ARHGAP24: variants seen among roughly 807,000 people sequenced by gnomAD.
The protein encoded by ARHGAP24 is Rho GTPase activating protein 24.
ARHGAP24 carries 50 observed loss-of-function variants against 76.4 expected under a neutral mutation model. The ratio of observed to expected loss-of-function variants is 0.65; its 90% CI spans 0.52 to 0.83. ARHGAP24 has a LOEUF of 0.83. Ranked by LOEUF, ARHGAP24 falls within the 40% of genes least tolerant of loss-of-function variation. The pLI is 0.00. For missense variants in ARHGAP24, 930 were observed against 914.2 expected, an observed-to-expected ratio of 1.02 and a Z score of -0.22; for synonymous variants, 345 against 323.3, an observed-to-expected ratio of 1.07 and a Z score of -0.72.
At chr4:85,939,155 G>A (rs968080565) in intron 4 of ARHGAP24, among the ~76,000 whole-genome samples, 1 of 152,158 alleles carries the variant, frequency 6.6e-6, no homozygotes, top group Non-Finnish European at 1.5e-5. Context: ...GATGTTATGA[G>A]TTTTAAATGT....
intron 5 of ARHGAP24, among the ~76,000 whole-genome samples, chr4:85,969,892 A>G (rs1358932105): frequency 1.3e-5 from 2 of 152,212 alleles, no homozygotes; most frequent in African/African-American, 4.8e-5. Flanking sequence ...TATTTTCTTT[A>G]CAAGGTTTTA....
At chr4:85,599,738 C>T (rs1235817440) in intron 2 of ARHGAP24, among the ~76,000 whole-genome samples, 1 of 152,068 alleles carries the variant, frequency 6.6e-6, no homozygotes, top group African/African-American at 2.4e-5. Context: ...GAAAGTGACT[C>T]TACTATTTGT....
intron 1 of ARHGAP24, among the ~76,000 whole-genome samples, chr4:85,489,026 T>C (rs2110092563): frequency 6.6e-6 from 1 of 152,356 alleles, no homozygotes; most frequent in Admixed American, 6.5e-5. Context: ...ATATTAATTA[T>C]GTTTGAACCC....
intron 5 of ARHGAP24, among the ~76,000 whole-genome samples, chr4:85,952,780 TGAAA>T (rs1054854170): frequency 2.0e-5 from 3 of 152,342 alleles, no homozygotes; most frequent in Admixed American, 6.5e-5. Flanking sequence ...CTCATTGACC[TGAAA>T]GAATTTGTAT....
chr4:85,987,355 C>T (rs1352702863), intron 8 of ARHGAP24, among the ~76,000 whole-genome samples: 1 of 152,030 alleles, frequency 6.6e-6, no homozygotes, highest in East Asian at 1.9e-4. Context: ...AAGTCCAACA[C>T]ATCTAGAATA....
In ARHGAP24 at chr4:85,923,760, T is replaced by G; in HGVS notation, c.381T>G (p.Pro127=). The change falls in exon 4 of 10, where the codon CCT becomes CCG. Residue 127 remains proline, a synonymous_variant. Coordinates refer to ENST00000395184, the MANE Select transcript of ARHGAP24 (RefSeq NM_001025616.3). Reference sequence around the variant, plus strand: ...CAATCCGCCGAGTCATATGGGGACCTTTCGGAGGAGGTGAGTGTACTTTAA... The same window carrying G: ...CAATCCGCCGAGTCATATGGGGACCGTTCGGAGGAGGTGAGTGTACTTTAA... ...VKSIRRVIWG[P]FGGGIFGQKL... is the part of the protein sequence containing the mutation. The G allele has an allele frequency of 6.2e-7, 1 of 1,614,008 alleles. No homozygotes were observed. The highest frequency in any genetic ancestry group is 8.5e-7 in the Non-Finnish European group (1 of 1,179,934).
At chr4:85,631,015 A>G (rs187190766) in intron 2 of ARHGAP24, among the ~76,000 whole-genome samples, 42 of 152,040 alleles carry the variant, frequency 2.8e-4, no homozygotes, top group Non-Finnish European at 4.7e-4. Flanking sequence ...GCATGTGTAT[A>G]CACACACACA....
In ARHGAP24 at chr4:85,885,238, A is replaced by T. The variant is rs1209110651; in HGVS notation, c.269-38410A>T. Among the ~76,000 whole-genome samples, 5 of 152,182 alleles carry T rather than the reference A, an allele frequency of 3.3e-5. No homozygotes were observed. The East Asian group carries it at 9.6e-4, about 29-fold the overall frequency. On this transcript the variant is annotated intron_variant, in intron 3 of 9. Coordinates refer to ENST00000395184, the MANE Select transcript of ARHGAP24 (RefSeq NM_001025616.3). ...ATGTGGTCTTGATTATAGTATTTTG[A>T]GTGCTATATAACTCCCCTAGCCTTT...
At chr4:85,993,055 GA>G (rs891755854) in intron 8 of ARHGAP24, among the ~76,000 whole-genome samples, 5 of 147,758 alleles carry the variant, frequency 3.4e-5, no homozygotes, top group African/African-American at 9.9e-5. Context: ...TTTCTCATCT[GA>G]AAAAAAAAAT....
intron 3 of ARHGAP24, among the ~76,000 whole-genome samples, chr4:85,738,767 T>C (rs1245092810): frequency 6.6e-6 from 1 of 152,244 alleles, no homozygotes; most frequent in Non-Finnish European, 1.5e-5. Flanking sequence ...ATTTTTTGCA[T>C]GTGGATTGTC....
intron 2 of ARHGAP24, among the ~76,000 whole-genome samples, chr4:85,572,874 CTTTTTTT>C (rs775780758): frequency 9.3e-4 from 115 of 124,280 alleles, no homozygotes; most frequent in African/African-American, 3.3e-3. Context: ...TTTTTTCTTT[CTTTTTTT>C]TTTTTTTTTT....
At chr4:85,645,226 A>G (rs1471411541) in intron 2 of ARHGAP24, among the ~76,000 whole-genome samples, 1 of 152,182 alleles carries the variant, frequency 6.6e-6, no homozygotes, top group Non-Finnish European at 1.5e-5. Context: ...CAAAATTTCC[A>G]TATAACAAAG....
chr4:85,790,735 A>C (rs1728080556), intron 3 of ARHGAP24, among the ~76,000 whole-genome samples: 1 of 152,210 alleles, frequency 6.6e-6, no homozygotes, highest in East Asian at 1.9e-4. Context: ...GAGTGGGCTC[A>C]AGTTTGATGT....
chr4:85,546,798 C>A (rs567009253), intron 1 of ARHGAP24, among the ~76,000 whole-genome samples: 1 of 152,306 alleles, frequency 6.6e-6, no homozygotes, highest in Non-Finnish European at 1.5e-5. Context: ...TTATTATTTT[C>A]ACATACTTTT....
intron 2 of ARHGAP24, among the ~76,000 whole-genome samples, chr4:85,675,831 T>C (rs11097066): frequency 0.29 from 44,103 of 152,080 alleles, 7,895 homozygotes; most frequent in East Asian, 0.84. Context: ...TCCTATCCAC[T>C]CAAAGTCATC....
chr4:85,995,133 G>T lies in ARHGAP24; in HGVS notation c.1479G>T (p.Gly493=). The T allele has an allele frequency of 6.2e-7, 1 of 1,614,010 alleles. No homozygotes were observed. Among genetic ancestry groups the T allele is most frequent in the Non-Finnish European group, 8.5e-7 (1 of 1,180,022 alleles). The change falls in exon 9 of 10, where the codon GGG becomes GGT. Residue 493 remains glycine (G), a synonymous_variant. Transcript: ENST00000395184. ...RMGILNSDTL[G]NPTNVRNMSW... Reference sequence around the variant, plus strand: ...GCATTTTGAACAGCGACACACTCGGGAACCCCACAAATGTTCGAAACATGA... The same window carrying T: ...GCATTTTGAACAGCGACACACTCGGTAACCCCACAAATGTTCGAAACATGA...
intron 1 of ARHGAP24, among the ~76,000 whole-genome samples, chr4:85,534,845 A>G (rs1725402397): frequency 6.6e-6 from 1 of 151,914 alleles, no homozygotes; most frequent in Non-Finnish European, 1.5e-5. Context: ...AAGTGACTGA[A>G]TAGGTGAACA....
intron 1 of ARHGAP24, among the ~76,000 whole-genome samples, chr4:85,522,251 A>G (rs11936794): frequency 0.12 from 18,420 of 152,204 alleles, 3,134 homozygotes; most frequent in African/African-American, 0.38. Context: ...AGATAAATAT[A>G]CTTTAAATGA....
At chr4:85,842,403 G>C (rs904547859) in intron 3 of ARHGAP24, among the ~76,000 whole-genome samples, 7 of 152,112 alleles carry the variant, frequency 4.6e-5, no homozygotes, top group African/African-American at 1.7e-4. Flanking sequence ...CTACAGATTG[G>C]AGGGAGCAGT....
Sources: gnomAD v4.1 joint callset for allele counts (sites outside exome capture counted in the v4.1 genomes callset) on GRCh38, gnomAD v4.1.1 for gene constraint, MANE v1.5 for transcripts, NCBI Gene and HGNC (gene_info 2026-07-23, HGNC 2026-07-21) for gene names.